Variants in RBPMS observed in about 807,000 individuals in gnomAD.
RBPMS encodes the protein RNA-binding protein with multiple splicing.
In RBPMS, 7 loss-of-function variants were observed where a neutral mutation model predicts 26.8. The observed-to-expected ratio is 0.26, with a 90% CI of 0.15 to 0.49. RBPMS has a LOEUF of 0.49. Among genes scored for constraint, RBPMS ranks in the 20% least tolerant of loss-of-function variants. The pLI is 0.98. For missense variants in RBPMS, 186 were observed against 250.0 expected, an observed-to-expected ratio of 0.74 and a Z score of 1.73; for synonymous variants, 96 against 93.3, an observed-to-expected ratio of 1.03 and a Z score of -0.17.
intron 1 of RBPMS, among the ~76,000 whole-genome samples, chr8:30,434,125 T>A (rs1021528022): frequency 1.0e-4 from 15 of 149,294 alleles, no homozygotes; most frequent in African/African-American, 3.5e-4. Flanking sequence ...TCAAAAAAAA[T>A]AAAAAATAAA....
At chr8:30,529,219 GA>G (rs1000114748) in intron 5 of RBPMS, among the ~76,000 whole-genome samples, 89 of 143,382 alleles carry the variant, frequency 6.2e-4, no homozygotes, top group Middle Eastern at 3.5e-3. Flanking sequence ...CTGTCTCAAG[GA>G]AAAAAAAAAA....
At chr8:30,502,881 C>T (rs574813658) in intron 4 of RBPMS, among the ~76,000 whole-genome samples, 1 of 152,250 alleles carries the variant, frequency 6.6e-6, no homozygotes, top group South Asian at 2.1e-4. Flanking sequence ...AACAAAAATA[C>T]AACACAATAT....
rs1299751617 is a variant in RBPMS, at chr8:30,504,395, C to A, written c.356C>A (p.Pro119His). The change falls in exon 5 of 9, where the codon CCT becomes CAT. Residue 119 changes from proline (P) to histidine (H), a missense_variant. Pro to His is a moderately conservative substitution (Grantham distance 77). Transcript: ENST00000397323. ...KLVGTPNPST[P>H]LPNTVPQFIA... ...GTAGGGACTCCAAACCCCAGTACTC[C>A]TCTGCCCAACACTGTACCTCAGTTC... The A allele has an allele frequency of 9.3e-6, 15 of 1,614,088 alleles. No individual in the cohort carries two copies. Among genetic ancestry groups the A allele is most frequent in the Non-Finnish European group, 1.3e-5 (15 of 1,180,014 alleles).
chr8:30,386,371 C>T (rs1208785431), intron 1 of RBPMS, among the ~76,000 whole-genome samples: 1 of 152,156 alleles, frequency 6.6e-6, no homozygotes, highest in African/African-American at 2.4e-5. Context: ...GGTAGAGGAG[C>T]GAGACTATGC....
At chr8:30,422,467 C>T (rs1311039822) in intron 1 of RBPMS, among the ~76,000 whole-genome samples, 1 of 151,942 alleles carries the variant, frequency 6.6e-6, no homozygotes, top group Non-Finnish European at 1.5e-5. Flanking sequence ...AGAGGTCTTG[C>T]TATGTTACCC....
rs749434114 is a variant in RBPMS, at chr8:30,479,407, T to G, written c.246+30T>G. On this transcript the variant is annotated intron_variant, in intron 4 of 8. Coordinates refer to ENST00000397323, the MANE Select transcript of RBPMS (RefSeq NM_001008710.3). ...GTACTAATGATGTAATTGTAGGGGG[T>G]TTCCATATGAGGTGGTGGGAAGTAA... is the stretch of plus-strand genomic sequence containing the variant. 7 of 1,504,692 alleles carry G rather than the reference T, an allele frequency of 4.7e-6. No individual in the cohort carries two copies. In the Admixed American group the frequency reaches 5.3e-5, roughly 11 times the overall value. The allele number at this position is 1,504,692 out of a possible 1,614,324, so 93.2% of individuals were successfully genotyped here. A position where few individuals can be genotyped will look rare whatever the true frequency, so the allele number is the denominator to read the frequency against.
chr8:30,476,111 A>G (rs1440592960), intron 2 of RBPMS, among the ~76,000 whole-genome samples: 1 of 152,242 alleles, frequency 6.6e-6, no homozygotes, highest in Non-Finnish European at 1.5e-5. Context: ...AGAGAGAAAG[A>G]CATTCACCAG....
At chr8:30,512,895 A>G (rs971289628) in intron 5 of RBPMS, among the ~76,000 whole-genome samples, 1 of 152,222 alleles carries the variant, frequency 6.6e-6, no homozygotes, top group Non-Finnish European at 1.5e-5. Flanking sequence ...GTTAGTGGTA[A>G]ATAAAAAGGG....
chr8:30,547,621 A>G lies in RBPMS; in HGVS notation c.528+2997A>G, dbSNP rs575011932. 171 of 692,650 alleles carry G rather than the reference A, an allele frequency of 2.5e-4. No homozygotes were observed. In the South Asian group the frequency reaches 4.1e-3, roughly 17 times the overall value. The allele number at this position is 692,650 out of a possible 1,614,324, so 42.9% of individuals were successfully genotyped here. On this transcript the variant is annotated intron_variant, in intron 6 of 8. Coordinates refer to ENST00000397323, the MANE Select transcript of RBPMS (RefSeq NM_001008710.3). ...TGGGAGAATTGGGCCTGTGACACCA[A>G]GTCTATTTTACATAGAAGGACTCAG...
intron 2 of RBPMS, among the ~76,000 whole-genome samples, chr8:30,475,359 A>C (rs893984120): frequency 4.6e-5 from 7 of 152,238 alleles, no homozygotes; most frequent in Non-Finnish European, 2.9e-5. Flanking sequence ...ACTTCATAGG[A>C]AATTAAACAC....
chr8:30,551,028 TCTC>T (rs747486828), intron 6 of RBPMS, among the ~76,000 whole-genome samples: 33 of 152,262 alleles, frequency 2.2e-4, no homozygotes, highest in Non-Finnish European at 4.3e-4. Flanking sequence ...CTGCTAGTAT[TCTC>T]CTCAGCCTCA....
chr8:30,516,673 G>A, intron 5 of RBPMS, among the ~76,000 whole-genome samples: 1 of 152,160 alleles, frequency 6.6e-6, no homozygotes. Context: ...AAGATGTAAG[G>A]CATTTATAAA....
chr8:30,486,397 G>T (rs931843000), intron 4 of RBPMS, among the ~76,000 whole-genome samples: 4 of 150,952 alleles, frequency 2.6e-5, no homozygotes, highest in Non-Finnish European at 5.9e-5. Flanking sequence ...TTCAGCCCAG[G>T]TCTGTATCCA....
At chr8:30,475,991 G>T (rs538243871) in intron 2 of RBPMS, among the ~76,000 whole-genome samples, 2 of 152,154 alleles carry the variant, frequency 1.3e-5, no homozygotes, top group Non-Finnish European at 2.9e-5. Flanking sequence ...CTTCTGCCGG[G>T]TTGTACTTTT....
chr8:30,505,386 CT>C (rs1405109006), intron 5 of RBPMS, among the ~76,000 whole-genome samples: 3 of 152,168 alleles, frequency 2.0e-5, no homozygotes, highest in Non-Finnish European at 4.4e-5. Flanking sequence ...GGATTCCTTG[CT>C]CCCCCCATGT....
intron 5 of RBPMS, among the ~76,000 whole-genome samples, chr8:30,510,137 G>A (rs1821435292): frequency 6.6e-6 from 1 of 152,100 alleles, no homozygotes; most frequent in South Asian, 2.1e-4. Context: ...TGCTGCTGTT[G>A]CTGTAGAGCA....
At chr8:30,462,077 T>G (rs921383504) in intron 1 of RBPMS, among the ~76,000 whole-genome samples, 13 of 152,270 alleles carry the variant, frequency 8.5e-5, no homozygotes, top group African/African-American at 3.1e-4. Context: ...ATATCTAATT[T>G]GTTTAACCAT....
intron 1 of RBPMS, among the ~76,000 whole-genome samples, chr8:30,385,957 A>G (rs1807024099): frequency 6.6e-6 from 1 of 152,118 alleles, no homozygotes; most frequent in Non-Finnish European, 1.5e-5. Flanking sequence ...TCAGGAACAA[A>G]CGTTTCAGAA....
intron 4 of RBPMS, among the ~76,000 whole-genome samples, chr8:30,486,665 G>A (rs1046988969): frequency 3.3e-5 from 5 of 151,924 alleles, no homozygotes; most frequent in African/African-American, 1.2e-4. Flanking sequence ...GAATCTCAAG[G>A]AAGTTTAAAG....
Sources: allele counts gnomAD v4.1 joint callset (sites outside exome capture counted in the v4.1 genomes callset), GRCh38; gene constraint gnomAD v4.1.1; transcripts MANE v1.5; gene names NCBI Gene and HGNC (gene_info 2026-07-23, HGNC 2026-07-21).